The following CPLANE1 variants were observed in gnomAD, a reference collection of about 807,000 sequenced individuals.
CPLANE1 encodes ciliogenesis and planar polarity effector 1.
Under a neutral mutation model 362.5 loss-of-function variants are expected in CPLANE1, and 263 were observed. The ratio of observed to expected loss-of-function variants is 0.73; its 90% CI spans 0.66 to 0.80. CPLANE1 has a LOEUF of 0.80. Among genes scored for constraint, CPLANE1 ranks in the 30% least tolerant of loss-of-function variants. The probability of loss-of-function intolerance (pLI) is 0.00; values close to 1 mark genes in which losing one functional copy is unlikely to be tolerated. For synonymous variants in CPLANE1, 1,212 were observed against 1,302.6 expected (o/e 0.93, Z 1.50); for missense variants, 3,461 against 3,793.4 (o/e 0.91, Z 2.30).
intron 38 of CPLANE1, among the ~76,000 whole-genome samples, chr5:37,159,507 A>C (rs1345379418): frequency 6.6e-6 from 1 of 152,246 alleles, no homozygotes; most frequent in African/African-American, 2.4e-5. Flanking sequence ...TTAACATCTA[A>C]ATTTCACAAA....
chr5:37,080,351 G>GT, the CPLANE1 span, among the ~76,000 whole-genome samples: 17 of 152,298 alleles, frequency 1.1e-4, no homozygotes, highest in African/African-American at 4.1e-4. Flanking sequence ...GCTGAGCGGG[G>GT]AGAGATCAGA....
chr5:37,135,372 T>C (rs975821793), intron 46 of CPLANE1, among the ~76,000 whole-genome samples: 1 of 152,114 alleles, frequency 6.6e-6, no homozygotes, highest in African/African-American at 2.4e-5. Flanking sequence ...ACACCTGAGA[T>C]TGGATAATTT....
intron 49 of CPLANE1, 66 bp from the exon 50 acceptor site, chr5:37,120,406 T>C (rs537222620): frequency 1.1e-4 from 155 of 1,416,410 alleles, no homozygotes; most frequent in Admixed American, 3.7e-4. Context: ...CTTTAACATT[T>C]CAAAAAGCCC....
chr5:37,191,238 T>C (rs1785468047), intron 21 of CPLANE1, among the ~76,000 whole-genome samples: 1 of 151,930 alleles, frequency 6.6e-6, no homozygotes, highest in African/African-American at 2.4e-5. Flanking sequence ...AATTTTTCAA[T>C]AGAAAAAAGC....
chr5:37,100,602 C>T, the CPLANE1 span, among the ~76,000 whole-genome samples: 1 of 151,944 alleles, frequency 6.6e-6, no homozygotes, highest in Non-Finnish European at 1.5e-5. Context: ...GCTTTTTGTT[C>T]TTGTTGTTCC....
chr5:37,144,147 C>A (rs1311727348), intron 43 of CPLANE1, among the ~76,000 whole-genome samples: 1 of 150,676 alleles, frequency 6.6e-6, no homozygotes, highest in Non-Finnish European at 1.5e-5. Context: ...CGGTGGCTCA[C>A]GCTTGTAATC....
In CPLANE1 at chr5:37,209,369, G is replaced by T; in HGVS notation, c.2921-2944C>A. ...CCGGAGGAAGCTGACGGCTGATGAT[G>T]GCTCAGTCCAACATGCTCCCCGTGG... On this transcript the variant is annotated intron_variant, in intron 16 of 52. Transcript: ENST00000651892. The surrounding 1 kb of genome is among the most constrained non-coding windows in gnomAD (Gnocchi z 4.6). 1 of 1,061,716 alleles carries T rather than the reference G, an allele frequency of 9.4e-7. No individual in the cohort carries two copies. Among genetic ancestry groups the T allele is most frequent in the Admixed American group, 1.7e-5 (1 of 58,860 alleles). The allele number at this position is 1,061,716 out of a possible 1,614,324, so 65.8% of individuals were successfully genotyped here. A position where few individuals can be genotyped will look rare whatever the true frequency, so the allele number is the denominator to read the frequency against.
At chr5:37,139,489 G>A (rs899527120) in intron 44 of CPLANE1, 119 bp from the exon 45 acceptor site, 1 of 1,053,742 alleles carries the variant, frequency 9.5e-7, no homozygotes, top group African/African-American at 1.7e-5. Context: ...CTTCCAAATT[G>A]GTTTATAGAT....
chr5:37,241,059 C>T (rs1561711513), intron 6 of CPLANE1, among the ~76,000 whole-genome samples: 1 of 151,830 alleles, frequency 6.6e-6, no homozygotes, highest in African/African-American at 2.4e-5. Flanking sequence ...TCGCTTGAAC[C>T]CAGGAGGCAG....
chr5:37,122,804 C>T (rs1763034693), intron 47 of CPLANE1, among the ~76,000 whole-genome samples: 2 of 152,064 alleles, frequency 1.3e-5, no homozygotes, highest in South Asian at 2.1e-4. Flanking sequence ...TCTCAGCTAC[C>T]TGGGAGGCGG....
At chr5:37,208,405 C>T (rs927442675) in intron 16 of CPLANE1, among the ~76,000 whole-genome samples, 44 of 150,860 alleles carry the variant, frequency 2.9e-4, no homozygotes, top group Admixed American at 4.0e-4. Flanking sequence ...AGGCCGGGAG[C>T]GGTGGCTCAC....
rs769153428 is a variant in CPLANE1, at chr5:37,198,828, AT to A, written c.3545del (p.Asn1182IlefsTer26). On this transcript the variant is annotated frameshift_variant, in exon 20 of 53. Transcript: ENST00000651892. ...GGATTCCAGATACCTTCTGGCGATT[AT>A]TTTTTTCAGCTTTTAAAAGAAGATC... Reference protein sequence around the residue: ...GDDLLLKAEKNNRQKVSGILQ... With the variant: ...GDDLLLKAEKXNRQKVSGILQ... 1.1e-5 allele frequency: 18 copies of A among 1,613,928 alleles called. No homozygotes were observed. Among genetic ancestry groups the A allele is most frequent in the Non-Finnish European group, 1.4e-5 (16 of 1,180,000 alleles).
the CPLANE1 span, among the ~76,000 whole-genome samples, chr5:37,078,618 A>G: frequency 6.6e-6 from 1 of 152,052 alleles, no homozygotes; most frequent in African/African-American, 2.4e-5. Context: ...TCTTTGGGGA[A>G]TTGCCACACT....
Position 37,177,610 on chromosome 5 carries a change from T to G in CPLANE1, c.5900+11A>C, listed in dbSNP as rs1561506028. 3.1e-6 allele frequency: 5 copies of G among 1,605,714 alleles called. No homozygotes were observed. The highest frequency in any genetic ancestry group is 4.3e-6 in the Non-Finnish European group (5 of 1,173,436). ...CAGTGACAATCACTGTCATACTTTT[T>G]TCCCCCTTACCCTTTTTGTTCAGTC... On this transcript the variant is annotated intron_variant, in intron 30 of 52. Transcript: ENST00000651892.
intron 42 of CPLANE1, among the ~76,000 whole-genome samples, chr5:37,149,737 A>G (rs1561410661): frequency 6.6e-6 from 1 of 152,212 alleles, no homozygotes; most frequent in Non-Finnish European, 1.5e-5. Flanking sequence ...TACTGTACAG[A>G]AGGTAACAGA....
intron 20 of CPLANE1, among the ~76,000 whole-genome samples, chr5:37,196,903 G>A (rs953525350): frequency 6.6e-6 from 1 of 151,484 alleles, no homozygotes; most frequent in African/African-American, 2.4e-5. Flanking sequence ...CAGCCTGGGC[G>A]ACAGAGTGAG....
At chr5:37,212,595 A>C (rs1020308604) in intron 16 of CPLANE1, among the ~76,000 whole-genome samples, 2 of 152,218 alleles carry the variant, frequency 1.3e-5, no homozygotes, top group Non-Finnish European at 2.9e-5. Flanking sequence ...TGTGTGGCAA[A>C]TAGTAGGCAC....
intron 50 of CPLANE1, among the ~76,000 whole-genome samples, chr5:37,118,886 G>A (rs1761830656): frequency 6.6e-6 from 1 of 151,912 alleles, no homozygotes; most frequent in Non-Finnish European, 1.5e-5. Flanking sequence ...GCTAATTTTA[G>A]TATTTTCAGT....
At position 37,212,511 on chromosome 5, in the gene CPLANE1, A is replaced by G. The variant is rs1792906279; in HGVS notation, c.2920+1048T>C. On this transcript the variant is annotated intron_variant, in intron 16 of 52. Coordinates refer to ENST00000651892, the MANE Select transcript of CPLANE1 (RefSeq NM_001384732.1). ...TGTGTAATCCAAAAAAAAAAAAAAG[A>G]AAGAAACTACAAATGTTTTCGTATT... 1.0e-5 allele frequency: 6 copies of G among 580,524 alleles called. No individual in the cohort carries two copies. In the South Asian group the frequency reaches 1.1e-4, roughly 10 times the overall value. 36.0% of individuals were successfully genotyped at this position (580,524 alleles called of 1,614,324 possible). A position where few individuals can be genotyped will look rare whatever the true frequency, so the allele number is the denominator to read the frequency against.
Sources: gnomAD v4.1 joint callset for allele counts (sites outside exome capture counted in the v4.1 genomes callset) on GRCh38, gnomAD v4.1.1 for gene constraint, Gnocchi (gnomAD v3.1) non-coding constraint, MANE v1.5 for transcripts, NCBI Gene and HGNC (gene_info 2026-07-23, HGNC 2026-07-21) for gene names.